Variants in ADAM10 observed in about 807,000 individuals in gnomAD.
ADAM10 encodes the protein disintegrin and metalloproteinase domain-containing protein 10.
ADAM10 carries 17 observed loss-of-function variants against 90.1 expected under a neutral mutation model. The ratio of observed to expected loss-of-function variants is 0.19; its 90% confidence interval spans 0.13 to 0.28. The LOEUF (loss-of-function observed/expected upper bound fraction) is 0.28, where lower values mean the gene tolerates loss of function less well. Ranked by LOEUF, ADAM10 falls within the 10% of genes least tolerant of loss-of-function variation. ADAM10 has a pLI of 1.00. For synonymous variants in ADAM10, 310 were observed against 298.6 expected, an observed-to-expected ratio of 1.04 and a Z score of -0.40; for missense variants, 610 against 914.3, an observed-to-expected ratio of 0.67 and a Z score of 4.29.
At chr15:58,633,139 CA>C in intron 9 of ADAM10, 56 bp downstream of exon 9, 1 of 1,484,022 alleles carries the variant, frequency 6.7e-7, no homozygotes, top group Non-Finnish European at 9.3e-7. Context: ...ATAAATCACT[CA>C]ACATAAAAAT....
At chr15:58,694,743 AT>A (rs1187593498) in intron 2 of ADAM10, among the ~76,000 whole-genome samples, 2 of 134,504 alleles carry the variant, frequency 1.5e-5, no homozygotes, top group Non-Finnish European at 1.5e-5. Flanking sequence ...CTACTCAGAA[AT>A]TAAAAAAAAA....
rs1452667623 is a variant in ADAM10, at chr15:58,595,270, T to C, written c.*2277A>G. 1 of 152,150 alleles carries C rather than the reference T, an allele frequency of 6.6e-6. No individual in the cohort carries two copies. Among genetic ancestry groups the C allele is most frequent in the Non-Finnish European group, 1.5e-5 (1 of 67,986 alleles). 9.4% of individuals were successfully genotyped at this position (152,150 alleles called of 1,614,324 possible). A position where few individuals can be genotyped will look rare whatever the true frequency, so the allele number is the denominator to read the frequency against. On this transcript the variant is annotated 3_prime_UTR_variant, in exon 16 of 16. Coordinates refer to ENST00000260408, the MANE Select transcript of ADAM10 (RefSeq NM_001110.4). The stretch of plus-strand genomic sequence containing the variant: ...CTAACTGGAAATTTTCTACATGGAT[T>C]CCAAAGTATTAAGAATAAAGATAAT...
At chr15:58,666,245 T>C (rs181894661) in intron 4 of ADAM10, among the ~76,000 whole-genome samples, 3 of 149,566 alleles carry the variant, frequency 2.0e-5, no homozygotes, top group African/African-American at 7.3e-5. Context: ...CACCATCAAC[T>C]CCCTTGTGCT....
At chr15:58,740,106 T>C (rs1025252359) in intron 1 of ADAM10, among the ~76,000 whole-genome samples, 3 of 151,786 alleles carry the variant, frequency 2.0e-5, no homozygotes, top group Non-Finnish European at 4.4e-5. Flanking sequence ...ACTATAAAGC[T>C]TGAAATAAAG....
In ADAM10 at chr15:58,664,959, C is replaced by T. The variant is rs183751744; in HGVS notation, c.585+138G>A. The T allele has an allele frequency of 1.8e-5, 13 of 713,796 alleles. No individual in the cohort carries two copies. In the East Asian group the frequency reaches 2.9e-4, roughly 16 times the overall value. 44.2% of individuals were successfully genotyped at this position (713,796 alleles called of 1,614,324 possible). A position where few individuals can be genotyped will look rare whatever the true frequency, so the allele number is the denominator to read the frequency against. On this transcript the variant is annotated intron_variant, in intron 5 of 15. Transcript: ENST00000260408. ...TCTTTATTATTGGCACGTTACCTGG[C>T]CTCTTTGAGCATTAAAAAACATTCC...
intron 4 of ADAM10, among the ~76,000 whole-genome samples, chr15:58,678,408 G>A (rs2039469498): frequency 6.6e-6 from 1 of 152,006 alleles, no homozygotes; most frequent in East Asian, 1.9e-4. Context: ...AGGAAAGCAG[G>A]CAAAAATTGA....
chr15:58,654,758 AT>A (rs767887167), intron 5 of ADAM10, among the ~76,000 whole-genome samples: 9 of 152,174 alleles, frequency 5.9e-5, no homozygotes, highest in Non-Finnish European at 1.0e-4. Context: ...CCTATCGGTC[AT>A]TCAGGAGCAT....
At chr15:58,706,000 A>C (rs1355606528) in intron 2 of ADAM10, among the ~76,000 whole-genome samples, 1 of 152,214 alleles carries the variant, frequency 6.6e-6, no homozygotes, top group Non-Finnish European at 1.5e-5. Context: ...TACCATCCAC[A>C]GTTTCAGGCA....
intron 9 of ADAM10, chr15:58,629,556 AAGCGT>A (rs1896042585): frequency 6.6e-6 from 1 of 152,228 alleles, no homozygotes; most frequent in Admixed American, 6.5e-5. Flanking sequence ...AAATCAAGAG[AAGCGT>A]TTCACTAAGA....
intron 9 of ADAM10, 126 bp from the exon 10 acceptor site, chr15:58,628,009 T>C: frequency 1.1e-6 from 1 of 942,526 alleles, no homozygotes; most frequent in Non-Finnish European, 1.6e-6. Flanking sequence ...AAAAAGGATC[T>C]TACAATTGTT....
At chr15:58,722,052 A>ATAATAGGCCGGGCAC (rs1274858401) in intron 1 of ADAM10, among the ~76,000 whole-genome samples, 6 of 151,136 alleles carry the variant, frequency 4.0e-5, no homozygotes, top group Admixed American at 4.0e-4. Flanking sequence ...ATATATGTAA[A>ATAATAGGCCGGGCAC]TAATAGGCCG....
At chr15:58,697,532 A>ACC (rs1418423158) in intron 2 of ADAM10, among the ~76,000 whole-genome samples, 3 of 152,120 alleles carry the variant, frequency 2.0e-5, no homozygotes, top group African/African-American at 7.2e-5. Flanking sequence ...GCCATTACAT[A>ACC]CCACAGCTGG....
intron 5 of ADAM10, among the ~76,000 whole-genome samples, chr15:58,654,953 A>T (rs1896772779): frequency 6.6e-6 from 1 of 152,198 alleles, no homozygotes; most frequent in African/African-American, 2.4e-5. Context: ...TGAGGAGAAA[A>T]AAATGTGTAT....
chr15:58,604,009 T>C (rs1299062309), intron 14 of ADAM10, among the ~76,000 whole-genome samples: 3 of 152,126 alleles, frequency 2.0e-5, no homozygotes, highest in Non-Finnish European at 4.4e-5. Flanking sequence ...TTCTGTGACT[T>C]TTTCACATGC....
At chr15:58,730,295 T>C (rs1180345724) in intron 1 of ADAM10, among the ~76,000 whole-genome samples, 5 of 152,198 alleles carry the variant, frequency 3.3e-5, no homozygotes, top group African/African-American at 1.2e-4. Flanking sequence ...CCAAATAACG[T>C]AGAAGAAGGG....
chr15:58,601,367 G>C (rs1895104479), intron 14 of ADAM10, among the ~76,000 whole-genome samples: 1 of 151,956 alleles, frequency 6.6e-6, no homozygotes, highest in African/African-American at 2.4e-5. Context: ...AGGCTGAGGG[G>C]GGAGAATCGC....
chr15:58,633,472 T>A, intron 8 of ADAM10, 113 bp from the exon 9 acceptor site: 1 of 932,110 alleles, frequency 1.1e-6, no homozygotes, highest in Non-Finnish European at 1.6e-6. Flanking sequence ...AAAATAGAAC[T>A]GGTACTCAAA....
chr15:58,673,963 G>T (rs1411589399), intron 4 of ADAM10, among the ~76,000 whole-genome samples: 2 of 152,096 alleles, frequency 1.3e-5, no homozygotes, highest in African/African-American at 4.8e-5. Context: ...TTGATCTCCT[G>T]ACCTCGTGAT....
In ADAM10 at chr15:58,593,973, T is replaced by C. The variant is rs1186945569; in HGVS notation, c.*3574A>G. 1 of 152,132 alleles carries C rather than the reference T, an allele frequency of 6.6e-6. No individual in the cohort carries two copies. The highest frequency in any genetic ancestry group is 6.5e-5 in the Admixed American group (1 of 15,280). The allele number at this position is 152,132 out of a possible 1,614,324, so 9.4% of individuals were successfully genotyped here. ...GTAATAAACGGAAAAGTATATCAAATGGAAGTTGTTTTTAATCAAGAACAC... is the reference window on the plus strand; with the variant it reads ...GTAATAAACGGAAAAGTATATCAAACGGAAGTTGTTTTTAATCAAGAACAC... On this transcript the variant is annotated 3_prime_UTR_variant, in exon 16 of 16. Transcript: ENST00000260408.
Sources: allele counts gnomAD v4.1 joint callset (sites outside exome capture counted in the v4.1 genomes callset), GRCh38; gene constraint gnomAD v4.1.1; transcripts MANE v1.5; gene names NCBI Gene and HGNC (gene_info 2026-07-23, HGNC 2026-07-21).